IMMP2L: variants seen among roughly 807,000 people sequenced by gnomAD.
IMMP2L encodes mitochondrial inner membrane protease subunit 2.
A neutral mutation model predicts 19.3 loss-of-function variants in IMMP2L; 18 were observed. The observed-to-expected ratio is 0.93, with a 90% CI of 0.64 to 1.38. The LOEUF is 1.38. Among genes scored for constraint, IMMP2L ranks in the 40% most tolerant of loss-of-function variants. IMMP2L has a pLI of 0.00. For missense variants in IMMP2L, 233 were observed against 218.2 expected, an observed-to-expected ratio of 1.07 and a Z score of -0.43; for synonymous variants, 76 against 73.0, an observed-to-expected ratio of 1.04 and a Z score of -0.21.
At chr7:110,969,471 C>G (rs1471108630) in intron 3 of IMMP2L, among the ~76,000 whole-genome samples, 1 of 151,912 alleles carries the variant, frequency 6.6e-6, no homozygotes, top group Non-Finnish European at 1.5e-5. Context: ...TATACAATGC[C>G]TAACAATCAC....
intron 3 of IMMP2L, among the ~76,000 whole-genome samples, chr7:111,355,989 A>G (rs1563095805): frequency 3.3e-5 from 5 of 152,042 alleles, no homozygotes; most frequent in Admixed American, 3.3e-4. Flanking sequence ...CCAAAGGGCA[A>G]TAATTAAGCG....
At chr7:111,241,328 C>A in intron 3 of IMMP2L, among the ~76,000 whole-genome samples, 1 of 151,814 alleles carries the variant, frequency 6.6e-6, no homozygotes, top group South Asian at 2.1e-4. Flanking sequence ...ACACATTCAC[C>A]ACTGTCTTCT....
intron 3 of IMMP2L, among the ~76,000 whole-genome samples, chr7:111,211,390 G>A (rs1019040230): frequency 6.6e-6 from 1 of 152,252 alleles, no homozygotes; most frequent in Admixed American, 6.5e-5. Context: ...AAAAAGGAAA[G>A]ACATAAGAAA....
At chr7:111,345,831 T>C (rs1388373569) in intron 3 of IMMP2L, among the ~76,000 whole-genome samples, 1 of 152,162 alleles carries the variant, frequency 6.6e-6, no homozygotes, top group Non-Finnish European at 1.5e-5. Flanking sequence ...GAATTCTTCA[T>C]ATTGAGTGAA....
intron 3 of IMMP2L, among the ~76,000 whole-genome samples, chr7:111,279,501 CTA>C (rs1407637414): frequency 6.6e-6 from 1 of 152,078 alleles, no homozygotes; most frequent in Non-Finnish European, 1.5e-5. Flanking sequence ...AACTAAAAAG[CTA>C]TTTCTACTAG....
At chr7:110,716,415 T>TG (rs1339305691) in intron 5 of IMMP2L, among the ~76,000 whole-genome samples, 2 of 152,128 alleles carry the variant, frequency 1.3e-5, no homozygotes, top group Non-Finnish European at 2.9e-5. Flanking sequence ...TACGTAAGTG[T>TG]GTTTTTGTGG....
intron 3 of IMMP2L, among the ~76,000 whole-genome samples, chr7:111,476,240 T>C (rs752965534): frequency 2.0e-5 from 3 of 152,160 alleles, no homozygotes; most frequent in South Asian, 2.1e-4. Context: ...CCTAGACCCA[T>C]AGTCTTGCAC....
chr7:110,820,222 A>G (rs1390773524), intron 5 of IMMP2L, among the ~76,000 whole-genome samples: 1 of 152,082 alleles, frequency 6.6e-6, no homozygotes, highest in Non-Finnish European at 1.5e-5. Flanking sequence ...TATTTATGAA[A>G]TGCTCTGGGC....
chr7:111,006,786 T>G (rs1377302413), intron 3 of IMMP2L, among the ~76,000 whole-genome samples: 4 of 152,144 alleles, frequency 2.6e-5, no homozygotes, highest in African/African-American at 7.2e-5. Context: ...TGTAAGCACT[T>G]GAAGATCCCC....
chr7:111,398,508 A>G (rs997718353), intron 3 of IMMP2L, among the ~76,000 whole-genome samples: 8 of 152,112 alleles, frequency 5.3e-5, no homozygotes, highest in Non-Finnish European at 1.5e-5. Flanking sequence ...ACAAACCCAC[A>G]GCCAACATAA....
chr7:110,883,650 T>G (rs1006315406), intron 5 of IMMP2L, among the ~76,000 whole-genome samples: 2 of 152,174 alleles, frequency 1.3e-5, no homozygotes, highest in African/African-American at 4.8e-5. Context: ...TTATACATCT[T>G]AGAAAGGTTA....
chr7:111,020,840 G>A (rs1291843114), intron 3 of IMMP2L, among the ~76,000 whole-genome samples: 1 of 152,152 alleles, frequency 6.6e-6, no homozygotes, highest in African/African-American at 2.4e-5. Context: ...TTGTTGAATT[G>A]TCTGTTTCTC....
chr7:111,128,377 A>G (rs1225061493), intron 3 of IMMP2L, among the ~76,000 whole-genome samples: 1 of 152,218 alleles, frequency 6.6e-6, no homozygotes, highest in Non-Finnish European at 1.5e-5. Context: ...TCACAAAATG[A>G]TAATGCTCAG....
chr7:111,554,013 G>GA (rs1790972101), intron 1 of IMMP2L, among the ~76,000 whole-genome samples: 1 of 152,098 alleles, frequency 6.6e-6, no homozygotes, highest in Admixed American at 6.6e-5. Flanking sequence ...ACTTAACTAA[G>GA]GATACGTAAC....
At chr7:111,368,497 G>C (rs779247669) in intron 3 of IMMP2L, among the ~76,000 whole-genome samples, 13 of 151,914 alleles carry the variant, frequency 8.6e-5, no homozygotes, top group Non-Finnish European at 1.6e-4. Flanking sequence ...ATTTACGCCA[G>C]CAACACAGCC....
intron 5 of IMMP2L, among the ~76,000 whole-genome samples, chr7:110,839,152 C>G (rs1466855873): frequency 6.6e-6 from 1 of 151,890 alleles, no homozygotes; most frequent in Non-Finnish European, 1.5e-5. Context: ...GACGATGATT[C>G]ACAGTGAAAA....
chr7:111,125,002 T>A (rs1169615068), intron 3 of IMMP2L: 4 of 835,438 alleles, frequency 4.8e-6, no homozygotes, highest in Non-Finnish European at 5.4e-6. Context: ...AACAAAAAAG[T>A]AAAAAAAGAT....
At chr7:111,056,822 C>T (rs1276454675) in intron 3 of IMMP2L, among the ~76,000 whole-genome samples, 1 of 152,008 alleles carries the variant, frequency 6.6e-6, no homozygotes, top group African/African-American at 2.4e-5. Flanking sequence ...GGTCTTCATC[C>T]TCAATCATCT....
chr7:110,990,523 G>A (rs1363384801), intron 3 of IMMP2L, among the ~76,000 whole-genome samples: 4 of 152,146 alleles, frequency 2.6e-5, no homozygotes, highest in African/African-American at 9.7e-5. Context: ...TAGAGCCCTT[G>A]CCATACTTCT....
Sources: allele counts gnomAD v4.1 joint callset (sites outside exome capture counted in the v4.1 genomes callset), GRCh38; gene constraint gnomAD v4.1.1; transcripts MANE v1.5; gene names NCBI Gene and HGNC (gene_info 2026-07-23, HGNC 2026-07-21).